Variants in TRIM2 observed in about 807,000 individuals in gnomAD.
The protein encoded by TRIM2 is tripartite motif-containing protein 2.
Under a neutral mutation model 75.2 loss-of-function variants are expected in TRIM2, and 20 were observed. That is an observed-to-expected ratio of 0.27 (90% CI 0.19 to 0.39). TRIM2 has a LOEUF of 0.39. Among genes scored for constraint, TRIM2 ranks in the 10% least tolerant of loss-of-function variants. The pLI, the probability that TRIM2 is intolerant of heterozygous loss-of-function variation, is 1.00. For synonymous variants in TRIM2, 373 were observed against 388.3 expected (o/e 0.96, Z 0.46); for missense variants, 660 against 990.8 (o/e 0.67, Z 4.48).
chr4:153,210,058 A>ATT (rs761134144), intron 1 of TRIM2, among the ~76,000 whole-genome samples: 1,310 of 106,728 alleles, frequency 0.012, 3 homozygotes, highest in East Asian at 0.017. Context: ...GGGTGATTTA[A>ATT]TTTTTTTTTT....
chr4:153,242,594 A>G (rs113359690), intron 1 of TRIM2, among the ~76,000 whole-genome samples: 1 of 152,346 alleles, frequency 6.6e-6, no homozygotes, highest in African/African-American at 2.4e-5. Context: ...ATTCCTCAGC[A>G]TCGTTTTCTA....
At chr4:153,299,998 C>T (rs989325094) in intron 6 of TRIM2, among the ~76,000 whole-genome samples, 3 of 152,216 alleles carry the variant, frequency 2.0e-5, no homozygotes, top group East Asian at 3.8e-4. Flanking sequence ...TTGCAAGTCG[C>T]ACCCTTCTAT....
rs575126983 is a variant in TRIM2 at position 153,303,474 on chromosome 4, G to GAA, written c.1510+7454_1510+7455dup. On this transcript the variant is annotated intron_variant, in intron 6 of 11. Coordinates refer to ENST00000338700, the MANE Select transcript of TRIM2 (RefSeq NM_015271.5). ...GGTGACAGAGTGAGACTCCATCTCAGAAAAAAAAAAAAAAAAAGAGTTCAA... is the reference window on the plus strand; with the variant it reads ...GGTGACAGAGTGAGACTCCATCTCAGAAAAAAAAAAAAAAAAAAAGAGTTCAA... 4.3e-3 allele frequency among the ~76,000 whole-genome samples: 394 copies of GAA among 92,404 alleles called. 5 individuals carry two copies. The highest frequency in any genetic ancestry group is 0.014 in the African/African-American group (362 of 26,240). The allele number at this position is 92,404 out of a possible 152,430, so 60.6% of individuals were successfully genotyped here.
chr4:153,193,489 G>A (rs939251394), intron 1 of TRIM2, among the ~76,000 whole-genome samples: 1 of 152,140 alleles, frequency 6.6e-6, no homozygotes, highest in African/African-American at 2.4e-5. Context: ...TTGTGGTGAG[G>A]AAGAGCACTT....
intron 1 of TRIM2, among the ~76,000 whole-genome samples, chr4:153,154,672 G>A (rs763729731): frequency 2.0e-5 from 3 of 152,140 alleles, no homozygotes; most frequent in Non-Finnish European, 4.4e-5. Flanking sequence ...CAGAAAAGTA[G>A]TAATCAGTAT....
chr4:153,184,154 G>A (rs926906976), intron 1 of TRIM2, among the ~76,000 whole-genome samples: 2 of 152,076 alleles, frequency 1.3e-5, no homozygotes, highest in South Asian at 2.1e-4. Context: ...TAGTCTGCTC[G>A]GGCTGCCATA....
At chr4:153,226,031 C>G (rs1054133373) in intron 1 of TRIM2, among the ~76,000 whole-genome samples, 3 of 152,078 alleles carry the variant, frequency 2.0e-5, no homozygotes, top group Non-Finnish European at 4.4e-5. Context: ...CCACCACACC[C>G]GACTAATTTT....
At chr4:153,240,060 C>T (rs914312335) in intron 1 of TRIM2, among the ~76,000 whole-genome samples, 2 of 152,032 alleles carry the variant, frequency 1.3e-5, no homozygotes, top group African/African-American at 4.8e-5. Flanking sequence ...TCTCGTACTC[C>T]TGGGCTCAAA....
At chr4:153,214,416 T>A (rs1227032754) in intron 1 of TRIM2, among the ~76,000 whole-genome samples, 1 of 152,218 alleles carries the variant, frequency 6.6e-6, no homozygotes, top group Admixed American at 6.5e-5. Flanking sequence ...CAAGTTTTAT[T>A]TAAGAGGAAC....
chr4:153,165,625 G>T (rs1416404863), intron 1 of TRIM2, among the ~76,000 whole-genome samples: 1 of 152,028 alleles, frequency 6.6e-6, no homozygotes. Flanking sequence ...CTACCCCGAC[G>T]CTTCTTAGTT....
intron 8 of TRIM2, among the ~76,000 whole-genome samples, chr4:153,320,467 C>A (rs1219153094): frequency 6.6e-6 from 1 of 152,178 alleles, no homozygotes; most frequent in African/African-American, 2.4e-5. Context: ...TAAAGCATAA[C>A]CTATGAGAAT....
At chr4:153,230,423 C>A (rs1223010530) in intron 1 of TRIM2, among the ~76,000 whole-genome samples, 2 of 152,204 alleles carry the variant, frequency 1.3e-5, no homozygotes, top group African/African-American at 4.8e-5. Context: ...CTCAAGCGAT[C>A]TGCCTGCCTC....
At position 153,303,662 on chromosome 4, in the gene TRIM2, T is replaced by C. The variant is rs975346720; in HGVS notation, c.1510+7626T>C. On this transcript the variant is annotated intron_variant, in intron 6 of 11. Transcript: ENST00000338700. ...GTGAGATGGCAATGGTGATTCTGCT[T>C]TTCAGCCGGTGACATACATACTAAG... Among the ~76,000 whole-genome samples, 5 of 152,192 alleles carry C rather than the reference T, an allele frequency of 3.3e-5. No homozygotes were observed. The South Asian group carries it at 8.3e-4, about 25-fold the overall frequency.
At chr4:153,159,026 T>G (rs1235488651) in intron 1 of TRIM2, among the ~76,000 whole-genome samples, 1 of 152,206 alleles carries the variant, frequency 6.6e-6, no homozygotes, top group Non-Finnish European at 1.5e-5. Context: ...TATCTGTAAA[T>G]GAACAACTGA....
chr4:153,294,321 T>C lies in TRIM2; in HGVS notation c.622T>C (p.Ser208Pro). ...AVNKRLPEID[S>P]ALQFISEIIH... ...GTCCACCAGGCTCCCAGAAATAGAT[T>C]CTGCTCTTCAGTTCATCTCTGAAAT... Residue 208 changes from serine (S) to proline (P), a missense_variant, in exon 5 of 12, where the codon TCT becomes CCT. Physicochemically the swap from Ser to Pro is moderately conservative, Grantham distance 74 (BLOSUM62 -1). Coordinates refer to ENST00000338700, the MANE Select transcript of TRIM2 (RefSeq NM_015271.5). 2 of 1,614,138 alleles carry C rather than the reference T, an allele frequency of 1.2e-6. No homozygotes were observed. The highest frequency in any genetic ancestry group is 2.2e-5 in the East Asian group (1 of 44,882).
chr4:153,318,261 CT>C (rs1360575337), intron 8 of TRIM2, among the ~76,000 whole-genome samples: 1 of 152,130 alleles, frequency 6.6e-6, no homozygotes, highest in Non-Finnish European at 1.5e-5. Context: ...TTCTGTTTTC[CT>C]TTTTAAAGTC....
intron 1 of TRIM2, among the ~76,000 whole-genome samples, chr4:153,260,700 C>CCACACACA (rs1185919053): frequency 3.4e-4 from 23 of 67,890 alleles, no homozygotes; most frequent in South Asian, 8.8e-4. Context: ...ACCCCCCCCC[C>CCACACACA]CACACACACA....
At chr4:153,293,166 T>C in intron 4 of TRIM2, 33 bp downstream of exon 4, 4 of 1,582,260 alleles carry the variant, frequency 2.5e-6, no homozygotes, top group Non-Finnish European at 3.5e-6. Context: ...CCCAACTGGC[T>C]GCCTGTACTT....
chr4:153,234,531 C>G (rs760701521), intron 1 of TRIM2, among the ~76,000 whole-genome samples: 6 of 152,214 alleles, frequency 3.9e-5, no homozygotes, highest in African/African-American at 9.7e-5. Context: ...TGCTGCGGAT[C>G]TCAGTCACAA....
Sources: allele counts gnomAD v4.1 joint callset (sites outside exome capture counted in the v4.1 genomes callset), GRCh38; gene constraint gnomAD v4.1.1; transcripts MANE v1.5; gene names NCBI Gene and HGNC (gene_info 2026-07-23, HGNC 2026-07-21).